Variants in PDE2A observed in about 807,000 individuals in gnomAD.
PDE2A encodes the protein cGMP-dependent 3',5'-cyclic phosphodiesterase.
PDE2A carries 53 observed loss-of-function variants against 133.6 expected under a neutral mutation model. The ratio of observed to expected loss-of-function variants is 0.40; its 90% CI spans 0.32 to 0.50. The LOEUF (loss-of-function observed/expected upper bound fraction) is 0.50. PDE2A is among the 20% of genes least tolerant of loss of function. The probability of loss-of-function intolerance (pLI) is 0.73; values close to 1 mark genes in which losing one functional copy is unlikely to be tolerated. For missense variants in PDE2A, 796 were observed against 1,232.4 expected (o/e 0.65, Z 5.30); for synonymous variants, 491 against 490.2 (o/e 1.00, Z -0.02).
At chr11:72,635,534 G>A (rs984851637) in intron 2 of PDE2A, among the ~76,000 whole-genome samples, 2 of 152,082 alleles carry the variant, frequency 1.3e-5, no homozygotes, top group Non-Finnish European at 2.9e-5. Context: ...ACACAACCAC[G>A]CATCCACACA....
intron 1 of PDE2A, among the ~76,000 whole-genome samples, chr11:72,663,739 A>C (rs926772710): frequency 6.6e-6 from 1 of 151,932 alleles, no homozygotes; most frequent in Admixed American, 6.5e-5. Context: ...AAAAAAAAAA[A>C]AAAGAAAGAA....
chr11:72,671,432 T>G (rs1855382172), intron 1 of PDE2A, among the ~76,000 whole-genome samples: 1 of 152,076 alleles, frequency 6.6e-6, no homozygotes, highest in Non-Finnish European at 1.5e-5. Context: ...TGGCTGAGGG[T>G]GAGACTCCCA....
chr11:72,627,571 G>T (rs371821971), intron 2 of PDE2A, among the ~76,000 whole-genome samples: 7 of 152,216 alleles, frequency 4.6e-5, no homozygotes, highest in Admixed American at 6.5e-5. Context: ...TGGCTGTAGC[G>T]CTGGCTGTCT....
chr11:72,586,211 G>A, intron 13 of PDE2A, 30 bp from the exon 14 acceptor site: 1 of 1,337,376 alleles, frequency 7.5e-7, no homozygotes, highest in East Asian at 2.3e-5. Flanking sequence ...CACTCAGGAG[G>A]GAAGGGAAGA....
At chr11:72,595,657 T>C (rs928221090) in intron 6 of PDE2A, among the ~76,000 whole-genome samples, 2 of 152,054 alleles carry the variant, frequency 1.3e-5, no homozygotes, top group East Asian at 1.9e-4. Context: ...AACCAACACC[T>C]GCTCATTTAT....
rs1202162106 is a variant in PDE2A, at chr11:72,625,623, G to A, written c.144+16631C>T. ...AACCTGGAGGAGACAGGATGGACCA[G>A]GAAGAAGAAAGGAACATGAGAGAGG... On this transcript the variant is annotated intron_variant, in intron 2 of 30. Coordinates refer to ENST00000334456, the MANE Select transcript of PDE2A (RefSeq NM_002599.5). Among the ~76,000 whole-genome samples, 3 of 152,198 alleles carry A rather than the reference G, an allele frequency of 2.0e-5. No homozygotes were observed. The East Asian group carries it at 5.8e-4, about 29-fold the overall frequency.
rs534174711 is a variant in PDE2A, at chr11:72,598,626, T to C, written c.324-1007A>G. The C allele has an allele frequency of 9.2e-5, 118 of 1,289,036 alleles. No homozygotes were observed. In the East Asian group the frequency reaches 6.2e-3, roughly 67 times the overall value. The allele number at this position is 1,289,036 out of a possible 1,614,324, so 79.8% of individuals were successfully genotyped here. On this transcript the variant is annotated intron_variant, in intron 4 of 30. Transcript: ENST00000334456. ...TGCCTGGCCTGGACAGAAGAGAAAC[T>C]TGGGGAACTGTGTGCATACAGGGTC...
At chr11:72,654,137 T>C (rs1268547879) in intron 1 of PDE2A, among the ~76,000 whole-genome samples, 2 of 151,934 alleles carry the variant, frequency 1.3e-5, no homozygotes, top group Admixed American at 1.3e-4. Flanking sequence ...TACTTCCCTC[T>C]TTCCCAATAG....
At chr11:72,636,033 T>G (rs774586572) in intron 2 of PDE2A, 1 of 1,272,282 alleles carries the variant, frequency 7.9e-7, no homozygotes, top group East Asian at 5.6e-5. Flanking sequence ...CAGCCCCCAG[T>G]AGAGGCAACC....
chr11:72,664,607 T>A (rs953841405), intron 1 of PDE2A, among the ~76,000 whole-genome samples: 4 of 151,786 alleles, frequency 2.6e-5, no homozygotes, highest in Admixed American at 2.6e-4. Flanking sequence ...TCTCCTGACC[T>A]CGTGATCCGC....
chr11:72,641,341 G>A (rs1182705772), intron 2 of PDE2A, among the ~76,000 whole-genome samples: 1 of 152,148 alleles, frequency 6.6e-6, no homozygotes, highest in Non-Finnish European at 1.5e-5. Context: ...GGGGGGCGGG[G>A]GTGTCCCAGG....
chr11:72,628,215 C>T (rs111770793), intron 2 of PDE2A, among the ~76,000 whole-genome samples: 2 of 152,264 alleles, frequency 1.3e-5, no homozygotes, highest in African/African-American at 4.8e-5. Context: ...CCCCAAGGAT[C>T]TGCCATGTGC....
At chr11:72,624,333 A>G (rs1267926672) in intron 2 of PDE2A, among the ~76,000 whole-genome samples, 1 of 152,066 alleles carries the variant, frequency 6.6e-6, no homozygotes, top group African/African-American at 2.4e-5. Context: ...TCCCGCCTGA[A>G]CCCATCGGTG....
rs1000335401 is a variant in PDE2A at position 72,578,735 on chromosome 11, C to T, written c.2469+162G>A. On this transcript the variant is annotated intron_variant, in intron 28 of 30. Transcript: ENST00000334456. The surrounding 1 kb of genome is among the most constrained non-coding windows in gnomAD (Gnocchi z 4.2). ...GCCACTGACTTGCTAGGTCTGTTCC[C>T]CTCTCTGAGTCTCCATTTGTCACCC... 1.3e-5 allele frequency among the ~76,000 whole-genome samples: 2 copies of T among 152,186 alleles called. No individual in the cohort carries two copies. Among genetic ancestry groups the T allele is most frequent in the Admixed American group, 6.5e-5 (1 of 15,288 alleles).
intron 2 of PDE2A, among the ~76,000 whole-genome samples, chr11:72,619,862 C>A (rs1161645418): frequency 6.6e-6 from 1 of 152,152 alleles, no homozygotes; most frequent in African/African-American, 2.4e-5. Context: ...CCTTCCTGGG[C>A]TCAGTTCCTC....
intron 2 of PDE2A, among the ~76,000 whole-genome samples, chr11:72,615,406 G>T (rs1229328621): frequency 6.6e-6 from 1 of 152,142 alleles, no homozygotes; most frequent in South Asian, 2.1e-4. Flanking sequence ...TTGCCTGCAC[G>T]ATCAGTTCCC....
At chr11:72,595,228 A>C (rs1430845469) in intron 6 of PDE2A, among the ~76,000 whole-genome samples, 1 of 152,136 alleles carries the variant, frequency 6.6e-6, no homozygotes, top group East Asian at 1.9e-4. Flanking sequence ...CTGGCACCCC[A>C]GGCCCTTTGC....
chr11:72,608,768 G>A lies in PDE2A; in HGVS notation c.145-17C>T. ...CAAGGCGTCCTGGAAGAGAGGAGAG[G>A]GCAGTGAGAGGCTTTGCCAGGCAGG... On this transcript the variant is annotated splice_polypyrimidine_tract_variant and intron_variant, in intron 2 of 30. Transcript: ENST00000334456. The A allele has an allele frequency of 1.4e-6, 2 of 1,412,064 alleles. No individual in the cohort carries two copies. Among genetic ancestry groups the A allele is most frequent in the Non-Finnish European group, 9.8e-7 (1 of 1,015,856 alleles). 87.5% of individuals were successfully genotyped at this position (1,412,064 alleles called of 1,614,324 possible). A position where few individuals can be genotyped will look rare whatever the true frequency, so the allele number is the denominator to read the frequency against.
At chr11:72,585,074 G>T in intron 16 of PDE2A, 130 bp from the exon 17 acceptor site, 1 of 862,094 alleles carries the variant, frequency 1.2e-6, no homozygotes. Flanking sequence ...ACTCTGCTCA[G>T]GGCTGGCTGG....
Sources: allele counts gnomAD v4.1 joint callset (sites outside exome capture counted in the v4.1 genomes callset), GRCh38; gene constraint gnomAD v4.1.1; non-coding constraint Gnocchi (gnomAD v3.1); transcripts MANE v1.5; gene names NCBI Gene and HGNC (gene_info 2026-07-23, HGNC 2026-07-21).